METTL15: variants seen among roughly 807,000 people sequenced by gnomAD.
METTL15 encodes the protein 12S rRNA N(4)-cytidine methyltransferase METTL15.
Under a neutral mutation model 38.3 loss-of-function variants are expected in METTL15, and 34 were observed. The ratio of observed to expected loss-of-function variants is 0.89; its 90% CI spans 0.68 to 1.18. METTL15 has a LOEUF of 1.18. METTL15 is among the 50% of genes most tolerant of loss of function. METTL15 has a pLI of 0.00. For synonymous variants in METTL15, 162 were observed against 170.9 expected (o/e 0.95, Z 0.41); for missense variants, 438 against 498.4 (o/e 0.88, Z 1.15).
intron 5 of METTL15, among the ~76,000 whole-genome samples, chr11:28,391,805 A>G (rs1245482233): frequency 6.6e-6 from 1 of 151,638 alleles, no homozygotes; most frequent in Non-Finnish European, 1.5e-5. Flanking sequence ...ACCTTACACA[A>G]AAATTAATTC....
intron 5 of METTL15, among the ~76,000 whole-genome samples, chr11:28,405,066 C>T (rs1483734079): frequency 6.6e-6 from 1 of 152,118 alleles, no homozygotes; most frequent in African/African-American, 2.4e-5. Context: ...AACAAACATT[C>T]ATTGTACAGC....
intron 3 of METTL15, among the ~76,000 whole-genome samples, chr11:28,168,260 A>T (rs980303416): frequency 6.6e-6 from 1 of 152,034 alleles, no homozygotes; most frequent in Non-Finnish European, 1.5e-5. Flanking sequence ...GGAAACTCAC[A>T]GTCCAGTGTA....
chr11:28,397,784 G>A (rs951319802), intron 5 of METTL15, among the ~76,000 whole-genome samples: 1 of 152,102 alleles, frequency 6.6e-6, no homozygotes, highest in African/African-American at 2.4e-5. Context: ...AAAGACACAT[G>A]CACATGTATG....
chr11:28,421,401 A>G (rs914910288), intron 5 of METTL15, among the ~76,000 whole-genome samples: 5 of 151,982 alleles, frequency 3.3e-5, no homozygotes, highest in Admixed American at 2.0e-4. Flanking sequence ...CAAAAGACAC[A>G]CCAAAAAAAG....
At chr11:28,367,869 A>T (rs1365524531) in intron 5 of METTL15, among the ~76,000 whole-genome samples, 1 of 152,106 alleles carries the variant, frequency 6.6e-6, no homozygotes, top group Admixed American at 6.6e-5. Context: ...TTAATAAATG[A>T]TGTTGGGAAA....
At chr11:28,420,189 G>A (rs190696727) in intron 5 of METTL15, among the ~76,000 whole-genome samples, 20 of 152,056 alleles carry the variant, frequency 1.3e-4, no homozygotes, top group Admixed American at 7.9e-4. Flanking sequence ...AAATATATAC[G>A]CACCAACACT....
intron 3 of METTL15, among the ~76,000 whole-genome samples, chr11:28,126,681 AT>A (rs1852503231): frequency 6.6e-6 from 1 of 152,148 alleles, no homozygotes; most frequent in Admixed American, 6.6e-5. Context: ...GAAGATGTCT[AT>A]TAAGTTTCTA....
At chr11:28,411,275 C>T (rs1186180228) in intron 5 of METTL15, among the ~76,000 whole-genome samples, 4 of 151,776 alleles carry the variant, frequency 2.6e-5, no homozygotes, top group Admixed American at 6.6e-5. Context: ...ACAAAAAAAT[C>T]GCCAATAGCC....
At chr11:28,272,655 C>T (rs1015811145) in intron 4 of METTL15, among the ~76,000 whole-genome samples, 3 of 152,090 alleles carry the variant, frequency 2.0e-5, no homozygotes, top group Admixed American at 1.3e-4. Context: ...CACCATGGCA[C>T]GTGTATACCT....
chr11:28,299,370 T>A (rs555262931), intron 6 of METTL15, among the ~76,000 whole-genome samples: 2 of 152,148 alleles, frequency 1.3e-5, no homozygotes, highest in East Asian at 3.9e-4. Context: ...GAATTTTTTT[T>A]AAGTGATTCA....
chr11:28,177,966 A>G (rs1387215860), intron 3 of METTL15, among the ~76,000 whole-genome samples: 1 of 151,998 alleles, frequency 6.6e-6, no homozygotes. Flanking sequence ...TACTCTTATT[A>G]TATTATTACA....
rs777046204 is a variant in METTL15, at chr11:28,136,678, G to T, written c.270+23074G>T. Among the ~76,000 whole-genome samples, 6 of 151,998 alleles carry T rather than the reference G, an allele frequency of 3.9e-5. No homozygotes were observed. The South Asian group carries it at 8.3e-4, about 21-fold the overall frequency. ...CTATGGAAGATTAAACATCACTTTGGCAATCCTCTGTAACTAAACATGTCA... is the reference window on the plus strand; with the variant it reads ...CTATGGAAGATTAAACATCACTTTGTCAATCCTCTGTAACTAAACATGTCA... On this transcript the variant is annotated intron_variant, in intron 3 of 6. Coordinates refer to ENST00000407364, the MANE Select transcript of METTL15 (RefSeq NM_001113528.2).
intron 5 of METTL15, among the ~76,000 whole-genome samples, chr11:28,411,202 C>T (rs781597542): frequency 1.3e-5 from 2 of 151,780 alleles, no homozygotes; most frequent in Admixed American, 6.6e-5. Flanking sequence ...AACATAATCG[C>T]CATCAAAATT....
intron 4 of METTL15, among the ~76,000 whole-genome samples, chr11:28,271,096 A>G (rs1238596589): frequency 6.6e-6 from 1 of 152,170 alleles, no homozygotes; most frequent in Admixed American, 6.5e-5. Flanking sequence ...TTAGAAATCT[A>G]TTAAGTCTAG....
intron 3 of METTL15, among the ~76,000 whole-genome samples, chr11:28,131,165 G>A (rs1377441372): frequency 6.6e-6 from 1 of 152,076 alleles, no homozygotes; most frequent in East Asian, 1.9e-4. Flanking sequence ...AGAGCAATAT[G>A]TCGATTAGAC....
rs544783694 is a variant in METTL15 at position 28,514,460 on chromosome 11, C to T, written c.*425-12018C>T. On this transcript the variant is annotated intron_variant and NMD_transcript_variant, in intron 6 of 7. Transcript: ENST00000532947. ...AAGGAAATGGAGCCAGAGTCCTGAA[C>T]GAACTATTTCTAAATTCCATACTAG... 5.9e-5 allele frequency among the ~76,000 whole-genome samples: 9 copies of T among 152,266 alleles called. No individual in the cohort carries two copies. In the East Asian group the frequency reaches 1.3e-3, roughly 23 times the overall value.
In METTL15 at chr11:28,330,706, GGAA is replaced by G; in HGVS notation, c.1094_1096del (p.Glu365del). 1.3e-6 allele frequency: 2 copies of G among 1,551,450 alleles called. No homozygotes were observed. Among genetic ancestry groups the G allele is most frequent in the Non-Finnish European group, 1.7e-6 (2 of 1,146,808 alleles). The stretch of plus-strand genomic sequence containing the variant: ...AATTGGGTTCAGATCACGAAAACAC[GGAA>G]GAAGTCTCTATGAGAAGAGCTCCTT... On this transcript the variant is annotated inframe_deletion, in exon 7 of 7. Coordinates refer to ENST00000407364, the MANE Select transcript of METTL15 (RefSeq NM_001113528.2).
At chr11:28,113,033 A>G (rs1295357730) in intron 2 of METTL15, among the ~76,000 whole-genome samples, 1 of 152,200 alleles carries the variant, frequency 6.6e-6, no homozygotes, top group Middle Eastern at 3.2e-3. Context: ...CTAATAATCA[A>G]TTTTCATATC....
At chr11:28,457,650 A>C (rs1415801582) in intron 6 of METTL15, among the ~76,000 whole-genome samples, 1 of 152,142 alleles carries the variant, frequency 6.6e-6, no homozygotes, top group African/African-American at 2.4e-5. Flanking sequence ...TAGATGTCCT[A>C]TAGGAATCAA....
Sources: gnomAD v4.1 joint callset for allele counts (sites outside exome capture counted in the v4.1 genomes callset) on GRCh38, gnomAD v4.1.1 for gene constraint, MANE v1.5 for transcripts, NCBI Gene and HGNC (gene_info 2026-07-23, HGNC 2026-07-21) for gene names.